Variants in ZFYVE16 observed in about 807,000 individuals in gnomAD.
ZFYVE16 encodes the protein zinc finger FYVE-type containing 16, also known as zinc finger FYVE domain-containing protein 16.
ZFYVE16 carries 89 observed loss-of-function variants against 138.1 expected under a neutral mutation model. The observed-to-expected ratio is 0.64, with a 90% CI of 0.54 to 0.77. The LOEUF (loss-of-function observed/expected upper bound fraction) is 0.77. Among genes scored for constraint, ZFYVE16 ranks in the 30% least tolerant of loss-of-function variants. The pLI, the probability that ZFYVE16 is intolerant of heterozygous loss-of-function variation, is 0.00. For synonymous variants in ZFYVE16, 596 were observed against 618.3 expected (o/e 0.96, Z 0.53); for missense variants, 1,793 against 1,786.7 (o/e 1.00, Z -0.06).
At chr5:80,436,498 A>T (rs1749928713) in intron 3 of ZFYVE16, among the ~76,000 whole-genome samples, 1 of 152,198 alleles carries the variant, frequency 6.6e-6, no homozygotes, top group African/African-American at 2.4e-5. Context: ...AAAAAAAGAG[A>T]CAAGGTCCCT....
chr5:80,423,943 TTTTACTTTTTC>T (rs1747614593), intron 1 of ZFYVE16, among the ~76,000 whole-genome samples: 1 of 102,848 alleles, frequency 9.7e-6, no homozygotes. Flanking sequence ...TTTTTTTTTC[TTTTACTTTTTC>T]TTTTTTTTGA....
intron 11 of ZFYVE16, chr5:80,454,973 A>C (rs1489372118): frequency 1.3e-5 from 2 of 152,198 alleles, no homozygotes; most frequent in African/African-American, 4.8e-5. Flanking sequence ...CAATTATCAT[A>C]ATTTTCCACC....
intron 14 of ZFYVE16, among the ~76,000 whole-genome samples, chr5:80,459,139 G>C (rs1052303910): frequency 6.6e-6 from 1 of 152,114 alleles, no homozygotes; most frequent in African/African-American, 2.4e-5. Flanking sequence ...TGTTGGCCAG[G>C]CTAGTCTCAA....
chr5:80,453,961 A>C (rs1028047308), intron 11 of ZFYVE16: 14 of 152,218 alleles, frequency 9.2e-5, no homozygotes, highest in African/African-American at 3.4e-4. Flanking sequence ...TGTTGAGAAT[A>C]GTGTTTTAAA....
chr5:80,457,936 G>T (rs763425918), intron 14 of ZFYVE16, among the ~76,000 whole-genome samples: 1 of 150,912 alleles, frequency 6.6e-6, no homozygotes, highest in East Asian at 2.0e-4. Flanking sequence ...TGAGGCGGGA[G>T]AATGGCGTGA....
rs1173279114 is a variant in ZFYVE16 at position 80,480,468 on chromosome 5, A to C, written c.*3091A>C. On this transcript the variant is annotated 3_prime_UTR_variant, in exon 19 of 19. Transcript: ENST00000505560. ...AGAAGACCTGTAGAGAATACAGTGA[A>C]AAATCCTAAGTGCTTCATTAGCTGT... 6.6e-6 allele frequency among the ~76,000 whole-genome samples: 1 copy of C among 152,176 alleles called. No individual in the cohort carries two copies. The highest frequency in any genetic ancestry group is 1.5e-5 in the Non-Finnish European group (1 of 68,016).
chr5:80,470,942 A>G (rs1249290646), intron 15 of ZFYVE16, among the ~76,000 whole-genome samples: 4 of 151,354 alleles, frequency 2.6e-5, no homozygotes, highest in African/African-American at 9.7e-5. Flanking sequence ...GACTGTGTAA[A>G]GACAATGCCA....
At chr5:80,428,677 G>A (rs925440960) in intron 2 of ZFYVE16, among the ~76,000 whole-genome samples, 14 of 152,282 alleles carry the variant, frequency 9.2e-5, no homozygotes, top group East Asian at 3.9e-4. Flanking sequence ...CAGGAAGTTC[G>A]AACCCATCGC....
chr5:80,421,540 A>G (rs1410328448), intron 1 of ZFYVE16, among the ~76,000 whole-genome samples: 2 of 152,176 alleles, frequency 1.3e-5, no homozygotes, highest in African/African-American at 4.8e-5. Context: ...AGCACCATTT[A>G]TTAAATAGGG....
intron 1 of ZFYVE16, among the ~76,000 whole-genome samples, chr5:80,423,841 T>A (rs975257937): frequency 1.3e-5 from 2 of 152,168 alleles, no homozygotes; most frequent in African/African-American, 4.8e-5. Context: ...CCTGGCCGAT[T>A]TCTGCTCTAA....
chr5:80,439,002 G>C lies in ZFYVE16; in HGVS notation c.2317G>C (p.Gly773Arg). The stretch of plus-strand genomic sequence containing the variant: ...ACGGCGACACCATTGCCGAGCATGT[G>C]GGAAAGTAAGTTATAAAAATCTTTT... ...TKRRHHCRAC[G>R]KVFCGVCCNR... The change falls in exon 4 of 19, where the codon GGG becomes CGG. Residue 773 changes from glycine (G) to arginine (R), a missense_variant. By Grantham distance (125) the Gly-to-Arg change is moderately radical. Transcript: ENST00000505560. 1 of 1,597,510 alleles carries C rather than the reference G, an allele frequency of 6.3e-7. No homozygotes were observed. Among genetic ancestry groups the C allele is most frequent in the Non-Finnish European group, 8.5e-7 (1 of 1,172,722 alleles).
In ZFYVE16 at chr5:80,437,564, A is replaced by T. The variant is rs753143961; in HGVS notation, c.879A>T (p.Leu293Phe). 77 of 1,613,992 alleles carry T rather than the reference A, an allele frequency of 4.8e-5. No homozygotes were observed. The highest frequency in any genetic ancestry group is 5.7e-5 in the Non-Finnish European group (67 of 1,179,996). ...DVAVITAAEC[L>F]KEEGKTSALT... Reference sequence around the variant, plus strand: ...CAGTCATAACTGCCGCAGAATGTTTAAAAGAAGAGGGCAAGACAAGTGCTT... The same window carrying T: ...CAGTCATAACTGCCGCAGAATGTTTTAAAGAAGAGGGCAAGACAAGTGCTT... The change falls in exon 4 of 19, where the codon TTA becomes TTT. Residue 293 changes from leucine (L) to phenylalanine (F), a missense_variant. This residue lies in a region of ZFYVE16 where 1,295 missense variants were observed against 1,204.3 expected (regional missense o/e 1.08). Coordinates refer to ENST00000505560, the MANE Select transcript of ZFYVE16 (RefSeq NM_001284236.3).
Position 80,436,782 on chromosome 5 carries a change from C to A in ZFYVE16, c.97C>A (p.Gln33Lys), listed in dbSNP as rs773571571. 6.2e-7 allele frequency: 1 copy of A among 1,613,114 alleles called. No individual in the cohort carries two copies. The highest frequency in any genetic ancestry group is 1.7e-5 in the Admixed American group (1 of 59,824). ...PDEQDYLQDVQNAYDSNHCSV... is the reference protein window; with the variant it reads ...PDEQDYLQDVKNAYDSNHCSV... ...TGAACAAGATTATCTCCAAGATGTA[C>A]AAAATGCATATGATTCTAACCACTG... is the stretch of plus-strand genomic sequence containing the variant. The change falls in exon 4 of 19, where the codon CAA becomes AAA. Residue 33 changes from glutamine to lysine, a missense_variant. Physicochemically the swap from Gln to Lys is moderately conservative, Grantham distance 53. This residue lies in a region of ZFYVE16 where 1,295 missense variants were observed against 1,204.3 expected (regional missense o/e 1.08). Transcript: ENST00000505560.
chr5:80,465,855 T>G (rs561421959), intron 15 of ZFYVE16, among the ~76,000 whole-genome samples: 1 of 152,292 alleles, frequency 6.6e-6, no homozygotes, highest in South Asian at 2.1e-4. Context: ...CCTTTGAGTT[T>G]ATAGTATACT....
intron 1 of ZFYVE16, among the ~76,000 whole-genome samples, chr5:80,414,133 T>C (rs2112152275): frequency 6.6e-6 from 1 of 152,318 alleles, no homozygotes; most frequent in East Asian, 1.9e-4. Flanking sequence ...ACATGTACCT[T>C]TTATATTTCT....
At chr5:80,411,504 A>C (rs1418459761) in intron 1 of ZFYVE16, 1 of 152,138 alleles carries the variant, frequency 6.6e-6, no homozygotes, top group Non-Finnish European at 1.5e-5. Flanking sequence ...CTTTCATTTA[A>C]CATTATATAT....
In ZFYVE16 at chr5:80,472,752, C is replaced by G. The variant is rs1193446956; in HGVS notation, c.4025-9C>G. ...GCAAAAGAAATGTGAAACTTAGTCTCATTTCTAGATGGCTTAATGGTACAA... is the reference window on the plus strand; with the variant it reads ...GCAAAAGAAATGTGAAACTTAGTCTGATTTCTAGATGGCTTAATGGTACAA... On this transcript the variant is annotated splice_polypyrimidine_tract_variant and intron_variant, in intron 15 of 18. Transcript: ENST00000505560. 1 of 1,608,192 alleles carries G rather than the reference C, an allele frequency of 6.2e-7. No individual in the cohort carries two copies. The highest frequency in any genetic ancestry group is 8.5e-7 in the Non-Finnish European group (1 of 1,177,634).
chr5:80,416,598 T>C (rs564212711), intron 1 of ZFYVE16, among the ~76,000 whole-genome samples: 14 of 151,610 alleles, frequency 9.2e-5, no homozygotes, highest in Admixed American at 3.3e-4. Context: ...ACTTCAGTAC[T>C]GCTCTTTTAT....
rs140562776 is a variant in ZFYVE16, at chr5:80,441,546, G to A, written c.2419+1514G>A. The A allele has an allele frequency of 1.1e-4, 112 of 985,266 alleles. No individual in the cohort carries two copies. In the African/African-American group the frequency reaches 1.8e-3, roughly 16 times the overall value. The allele number at this position is 985,266 out of a possible 1,614,324, so 61.0% of individuals were successfully genotyped here. ...AATAGAAGTGATCATTTAAAATAAT[G>A]GTATCAAATAAGAAGAGAAAGACGG... On this transcript the variant is annotated intron_variant, in intron 5 of 18. Coordinates refer to ENST00000505560, the MANE Select transcript of ZFYVE16 (RefSeq NM_001284236.3).
Sources: gnomAD v4.1 joint callset for allele counts (sites outside exome capture counted in the v4.1 genomes callset) on GRCh38, gnomAD v4.1.1 for gene constraint, gnomAD v4.1.1 regional missense constraint, MANE v1.5 for transcripts, NCBI Gene and HGNC (gene_info 2026-07-23, HGNC 2026-07-21) for gene names.